SLC30A10: variants seen among roughly 807,000 people sequenced by gnomAD.
SLC30A10 encodes the protein solute carrier family 30 member 10.
In SLC30A10, 8 loss-of-function variants were observed where a neutral mutation model predicts 21.7. The ratio of observed to expected loss-of-function variants is 0.37; its 90% confidence interval spans 0.22 to 0.67. The LOEUF is 0.67. SLC30A10 is among the 30% of genes least tolerant of loss of function. SLC30A10 has a pLI of 0.58. For synonymous variants in SLC30A10, 272 were observed against 279.4 expected, an observed-to-expected ratio of 0.97 and a Z score of 0.26; for missense variants, 521 against 642.5, an observed-to-expected ratio of 0.81 and a Z score of 2.04.
intron 2 of SLC30A10, among the ~76,000 whole-genome samples, chr1:219,926,655 C>G (rs532095087): frequency 3.3e-4 from 51 of 152,330 alleles, no homozygotes; most frequent in Admixed American, 4.6e-4. Context: ...AGGGCATAAC[C>G]TTGGATAGCA....
chr1:219,939,304 G>C (rs1299740725), intron 1 of SLC30A10, among the ~76,000 whole-genome samples: 1 of 152,188 alleles, frequency 6.6e-6, no homozygotes, highest in Non-Finnish European at 1.5e-5. Context: ...GCTATTAAAA[G>C]CTACCCTCTC....
In SLC30A10 at chr1:219,958,307, G is replaced by A. The variant is rs139859731; in HGVS notation, n.80+261C>T. Among the ~76,000 whole-genome samples, 301 of 152,036 alleles carry A rather than the reference G, an allele frequency of 2.0e-3. 3 individuals carry two copies. The highest frequency in any genetic ancestry group is 0.01 in the South Asian group (50 of 4,804). ...ATTAGTGCCTTTACTTCCTCTCTGCGTGCCTGAAGACACTTTTTCATTCCC... is the reference window on the plus strand; with the variant it reads ...ATTAGTGCCTTTACTTCCTCTCTGCATGCCTGAAGACACTTTTTCATTCCC... On this transcript the variant is annotated intron_variant and non_coding_transcript_variant, in intron 1 of 8. Transcript: ENST00000484239.
At chr1:219,931,700 C>T (rs887003816), upstream of SLC30A10, among the ~76,000 whole-genome samples, 13 of 152,066 alleles carry the variant, frequency 8.5e-5, no homozygotes, top group Middle Eastern at 3.2e-3. Flanking sequence ...AAGCTGGTCT[C>T]GAACTCCTGG....
intron 1 of SLC30A10, among the ~76,000 whole-genome samples, chr1:219,941,101 C>T (rs1660114680): frequency 6.6e-6 from 1 of 152,214 alleles, no homozygotes; most frequent in Non-Finnish European, 1.5e-5. Context: ...AACAACCTAA[C>T]TGAGCCTTCC....
At chr1:219,932,085 C>T (rs1226354343), upstream of SLC30A10, among the ~76,000 whole-genome samples, 1 of 143,120 alleles carries the variant, frequency 7.0e-6, no homozygotes, top group Non-Finnish European at 1.5e-5. Context: ...TTTTTTGAGA[C>T]GGAGTCTCAC....
chr1:219,915,656 G>T lies in SLC30A10; in HGVS notation c.1251C>A (p.Pro417=), dbSNP rs754692918. The change falls in exon 4 of 4, where the codon CCC becomes CCA. Residue 417 remains proline (P), a synonymous_variant. Coordinates refer to ENST00000366926, the MANE Select transcript of SLC30A10 (RefSeq NM_018713.3). ...TGACGTGAGCCAGAGGCAGTGCCCC[G>T]GGGGGACAACACAGCTGCTTAGCAC... ...KGCAKQLCCP[P]GALPLAHVNG... 1.9e-6 allele frequency: 3 copies of T among 1,614,210 alleles called. No homozygotes were observed. Among genetic ancestry groups the T allele is most frequent in the South Asian group, 2.2e-5 (2 of 91,084 alleles).
intron 1 of SLC30A10, among the ~76,000 whole-genome samples, chr1:219,953,466 C>G (rs998967546): frequency 6.6e-6 from 1 of 151,464 alleles, no homozygotes; most frequent in Non-Finnish European, 1.5e-5. Flanking sequence ...TGTGGTGGCA[C>G]AAGCCTGTAA....
chr1:219,950,075 A>G (rs974003019), intron 1 of SLC30A10, among the ~76,000 whole-genome samples: 1 of 152,232 alleles, frequency 6.6e-6, no homozygotes, highest in African/African-American at 2.4e-5. Flanking sequence ...ATCTGTTGAC[A>G]GAAGAGAGGT....
chr1:219,928,311 T>A lies in SLC30A10; in HGVS notation c.130A>T (p.Met44Leu). ...CACAGCGAGATCAGGTCGGAGAGCA[T>A]GTTGAAGGAGTCGGAGAGCAGCGCG... ...SIALLSDSFN[M>L]LSDLISLCVG... The change falls in exon 1 of 4, where the codon ATG (methionine) becomes TTG (leucine). Residue 44 changes from methionine to leucine, a missense_variant. Physicochemically the swap from Met to Leu is conservative, Grantham distance 15. Transcript: ENST00000366926. This position sits in a 1 kb window ranked among gnomAD's most constrained non-coding sequence, Gnocchi z 6.3. The A allele has an allele frequency of 1.2e-6, 2 of 1,610,768 alleles. No homozygotes were observed. The highest frequency in any genetic ancestry group is 1.7e-6 in the Non-Finnish European group (2 of 1,179,066).
In SLC30A10 at chr1:219,926,922, T is replaced by A. The variant is rs1356674020; in HGVS notation, c.718+106A>T. 3.6e-6 allele frequency: 3 copies of A among 837,752 alleles called. No individual in the cohort carries two copies. In the African/African-American group the frequency reaches 5.1e-5, roughly 14 times the overall value. The allele number at this position is 837,752 out of a possible 1,614,324, so 51.9% of individuals were successfully genotyped here. A position where few individuals can be genotyped will look rare whatever the true frequency, so the allele number is the denominator to read the frequency against. ...TCATAGTCTATGCATGTAACTGGCC[T>A]ACTTTCAAACACACCTTTGCCTTAT... On this transcript the variant is annotated intron_variant, in intron 2 of 3. Transcript: ENST00000366926.
chr1:219,929,523 CTCTT>C (rs1341774447), upstream of SLC30A10, among the ~76,000 whole-genome samples: 10 of 133,186 alleles, frequency 7.5e-5, no homozygotes, highest in Non-Finnish European at 1.6e-4. Context: ...CAAATAAAGA[CTCTT>C]TTTTTTTTTT....
Position 219,928,226 on chromosome 1 carries a change from T to G in SLC30A10, c.215A>C (p.Tyr72Ser). 2.6e-6 allele frequency: 4 copies of G among 1,567,702 alleles called. No homozygotes were observed. The highest frequency in any genetic ancestry group is 3.5e-6 in the Non-Finnish European group (4 of 1,156,758). Residue 72 changes from tyrosine (Y) to serine (S), a missense_variant, in exon 1 of 4, where the codon TAC becomes TCC. By Grantham distance (144) the Tyr-to-Ser change is moderately radical (BLOSUM62 -2). Coordinates refer to ENST00000366926, the MANE Select transcript of SLC30A10 (RefSeq NM_018713.3). The surrounding 1 kb of genome is among the most constrained non-coding windows in gnomAD (Gnocchi z 6.3). The stretch of plus-strand genomic sequence containing the variant: ...CACCACCTCGGCGCGGGCGTAGCCG[T>G]AGGTGGCGCTGAAGCCCCGGGTGGG... Reference protein sequence around the residue: ...RRPTRGFSATYGYARAEVVGA... With the variant: ...RRPTRGFSATSGYARAEVVGA...
chr1:219,956,849 C>T (rs1660361650), intron 1 of SLC30A10, among the ~76,000 whole-genome samples: 1 of 152,002 alleles, frequency 6.6e-6, no homozygotes. Context: ...ATGGTGTGTA[C>T]CAAGTTTCAT....
intron 1 of SLC30A10, among the ~76,000 whole-genome samples, chr1:219,937,333 A>G (rs1660059871): frequency 6.6e-6 from 1 of 152,166 alleles, no homozygotes; most frequent in African/African-American, 2.4e-5. Context: ...TTCCATATCA[A>G]TTTTCCCTTT....
chr1:219,953,985 C>T (rs12724773), intron 1 of SLC30A10, among the ~76,000 whole-genome samples: 12,087 of 151,986 alleles, frequency 0.08, 548 homozygotes, highest in African/African-American at 0.11. Context: ...GGATTACAGG[C>T]GTGAGCCACC....
intron 1 of SLC30A10, among the ~76,000 whole-genome samples, chr1:219,938,180 G>A (rs550129803): frequency 1.3e-5 from 2 of 152,180 alleles, no homozygotes; most frequent in Non-Finnish European, 2.9e-5. Context: ...AGTGGGGGAA[G>A]GGGTTGAGGG....
chr1:219,916,682 T>G (rs1659551870), intron 3 of SLC30A10, among the ~76,000 whole-genome samples: 1 of 152,148 alleles, frequency 6.6e-6, no homozygotes, highest in African/African-American at 2.4e-5. Context: ...CCAAAATGAG[T>G]ATGTATTTAG....
chr1:219,925,653 T>TATATATATATATA (rs1558253395), intron 2 of SLC30A10, among the ~76,000 whole-genome samples: 333 of 45,582 alleles, frequency 7.3e-3, no homozygotes, highest in Non-Finnish European at 8.5e-3. Context: ...ATATATATAT[T>TATATATATATATA]TTTTTTTTTT....
chr1:219,949,833 CA>C (rs1354207314), intron 1 of SLC30A10, among the ~76,000 whole-genome samples: 1 of 151,950 alleles, frequency 6.6e-6, no homozygotes, highest in African/African-American at 2.4e-5. Context: ...CAGTTGTACA[CA>C]ATGTTTTCAA....
Sources: allele counts gnomAD v4.1 joint callset (sites outside exome capture counted in the v4.1 genomes callset), GRCh38; gene constraint gnomAD v4.1.1; non-coding constraint Gnocchi (gnomAD v3.1); transcripts MANE v1.5; gene names NCBI Gene and HGNC (gene_info 2026-07-23, HGNC 2026-07-21).